Variants in CASC3 observed in about 807,000 individuals in gnomAD.
CASC3 encodes the protein CASC3 exon junction complex subunit.
Under a neutral mutation model 80.5 loss-of-function variants are expected in CASC3, and 30 were observed. That is an observed-to-expected ratio of 0.37 (90% confidence interval 0.28 to 0.51). The LOEUF is 0.51. Among genes scored for constraint, CASC3 ranks in the 20% least tolerant of loss-of-function variants. CASC3 has a pLI of 0.94. For synonymous variants in CASC3, 312 were observed against 333.6 expected (o/e 0.94, Z 0.70); for missense variants, 824 against 922.2 (o/e 0.89, Z 1.38).
intron 3 of CASC3, among the ~76,000 whole-genome samples, chr17:40,142,600 C>A (rs1432989103): frequency 6.6e-6 from 1 of 152,138 alleles, no homozygotes; most frequent in Non-Finnish European, 1.5e-5. Flanking sequence ...GGTGAAACTC[C>A]ATCTCTGGCC....
At chr17:40,152,802 A>G (rs1762430093) in intron 3 of CASC3, among the ~76,000 whole-genome samples, 1 of 150,194 alleles carries the variant, frequency 6.7e-6, no homozygotes, top group Admixed American at 6.6e-5. Context: ...TATTTTAGAC[A>G]GTCTTGCTCT....
At chr17:40,167,766 A>G (rs1023656463) in intron 9 of CASC3, 84 bp from the exon 10 acceptor site, 3 of 1,368,342 alleles carry the variant, frequency 2.2e-6, no homozygotes, top group Non-Finnish European at 3.1e-6. Flanking sequence ...TATTGAGAAC[A>G]TCTTTTAAAG....
chr17:40,164,797 C>T (rs1454685454), intron 7 of CASC3, among the ~76,000 whole-genome samples: 1 of 125,160 alleles, frequency 8.0e-6, no homozygotes, highest in Non-Finnish European at 1.6e-5. Flanking sequence ...GCTCTGTTGC[C>T]CAGGCTGGAG....
chr17:40,152,212 A>C (rs1041831984), intron 3 of CASC3, among the ~76,000 whole-genome samples: 1 of 152,232 alleles, frequency 6.6e-6, no homozygotes, highest in Non-Finnish European at 1.5e-5. Context: ...GTTATAGCTC[A>C]CTGCAACCTC....
In CASC3 at chr17:40,171,952, TC is replaced by T; in HGVS notation, c.*1550del. 7.8e-7 allele frequency: 1 copy of T among 1,284,430 alleles called. No individual in the cohort carries two copies. Among genetic ancestry groups the T allele is most frequent in the South Asian group, 1.2e-5 (1 of 80,530 alleles). 79.6% of individuals were successfully genotyped at this position (1,284,430 alleles called of 1,614,324 possible). ...GGTGGTTGTGCCTTTTGTAGGCTGT[TC>T]CCTTTGCCTTAAACCTGAAGATGTC... On this transcript the variant is annotated 3_prime_UTR_variant, in exon 14 of 14. Transcript: ENST00000264645.
intron 3 of CASC3, among the ~76,000 whole-genome samples, chr17:40,145,606 G>T (rs1196961924): frequency 6.6e-6 from 1 of 152,026 alleles, no homozygotes; most frequent in African/African-American, 2.4e-5. Context: ...TTGGTGAGCA[G>T]GGGCCACTAA....
In CASC3 at chr17:40,166,839, A is replaced by G. The variant is rs1273415757; in HGVS notation, c.1514A>G (p.Gln505Arg). 2 of 1,606,690 alleles carry G rather than the reference A, an allele frequency of 1.2e-6. No homozygotes were observed. The highest frequency in any genetic ancestry group is 2.2e-5 in the East Asian group (1 of 44,566). Residue 505 changes from glutamine (Q) to arginine (R), a missense_variant, in exon 8 of 14, where the codon CAG becomes CGG. Physicochemically the swap from Gln to Arg is conservative, Grantham distance 43. Coordinates refer to ENST00000264645, the MANE Select transcript of CASC3 (RefSeq NM_007359.5). ...HIHMGAGPPP[Q>R]FNRMEEMGVQ... ...CACATGGGAGCAGGACCTCCACCTCAGTTTAACCGGATGGAAGAAATGGTA... is the reference window on the plus strand; with the variant it reads ...CACATGGGAGCAGGACCTCCACCTCGGTTTAACCGGATGGAAGAAATGGTA...
chr17:40,159,600 C>A (rs1312063269), intron 3 of CASC3, among the ~76,000 whole-genome samples: 2 of 148,378 alleles, frequency 1.3e-5, no homozygotes, highest in Non-Finnish European at 3.0e-5. Flanking sequence ...GACTGGAGCG[C>A]AGTGGCACAA....
At chr17:40,144,449 A>AT (rs1185413325) in intron 3 of CASC3, among the ~76,000 whole-genome samples, 5 of 149,624 alleles carry the variant, frequency 3.3e-5, no homozygotes, top group Non-Finnish European at 5.9e-5. Context: ...GGTTCAAGCG[A>AT]TTCTCCTGTC....
chr17:40,155,925 T>A (rs1989135639), intron 3 of CASC3, among the ~76,000 whole-genome samples: 1 of 152,228 alleles, frequency 6.6e-6, no homozygotes, highest in Admixed American at 6.5e-5. Context: ...TCCTCAGTAC[T>A]ATGCTATTTG....
Position 40,157,354 on chromosome 17 carries a change from TAAA to T in CASC3, c.298-4398_298-4396del, listed in dbSNP as rs1460674437. Among the ~76,000 whole-genome samples, 377 of 148,528 alleles carry T rather than the reference TAAA, an allele frequency of 2.5e-3. 1 individual carries two copies. Among genetic ancestry groups the T allele is most frequent in the African/African-American group, 8.9e-3 (360 of 40,316 alleles). On this transcript the variant is annotated intron_variant, in intron 3 of 13. Coordinates refer to ENST00000264645, the MANE Select transcript of CASC3 (RefSeq NM_007359.5). ...CGAGACTCCGTCTCAAATAAATAAA[TAAA>T]TAAATAAATAAATTAATTAATTAAT...
rs1489340350 is a variant in CASC3, at chr17:40,168,208, C to T, written c.1756C>T (p.His586Tyr). 21 of 1,613,754 alleles carry T rather than the reference C, an allele frequency of 1.3e-5. No homozygotes were observed. Among genetic ancestry groups the T allele is most frequent in the East Asian group, 2.2e-5 (1 of 44,894 alleles). Residue 586 changes from histidine (H) to tyrosine (Y), a missense_variant, in exon 11 of 14, where the codon CAT becomes TAT. Around this residue, in one of 3 missense-constraint regions of CASC3, gnomAD observed 464 missense variants for 506.0 expected, o/e 0.92. Transcript: ENST00000264645. ...PGMNLPHPGL[H>Y]PHQTPAPLPN... is the part of the protein sequence containing the mutation. Reference sequence around the variant, plus strand: ...TTTTTCTTCTCCTTATCCAGGTTTACATCCCCACCAGACACCAGCTCCTCT... The same window carrying T: ...TTTTTCTTCTCCTTATCCAGGTTTATATCCCCACCAGACACCAGCTCCTCT...
chr17:40,155,567 C>T (rs1374774921), intron 3 of CASC3, among the ~76,000 whole-genome samples: 1 of 152,122 alleles, frequency 6.6e-6, no homozygotes, highest in African/African-American at 2.4e-5. Context: ...GTCTTCCTGT[C>T]AACGACAGGC....
chr17:40,146,616 T>A (rs1281077685), intron 3 of CASC3, among the ~76,000 whole-genome samples: 3 of 151,484 alleles, frequency 2.0e-5, no homozygotes, highest in Admixed American at 6.6e-5. Flanking sequence ...TTTTTTGTAT[T>A]TTTAGTAGAG....
chr17:40,166,041 T>C (rs1037256388), intron 7 of CASC3, among the ~76,000 whole-genome samples: 2 of 152,170 alleles, frequency 1.3e-5, no homozygotes, highest in Admixed American at 6.6e-5. Context: ...GCTGGGCTTA[T>C]AAGCATGAGC....
At position 40,172,088 on chromosome 17, in the gene CASC3, G is replaced by A. The variant is rs894454409; in HGVS notation, c.*1683G>A. 1.6e-6 allele frequency: 2 copies of A among 1,289,842 alleles called. No homozygotes were observed. The highest frequency in any genetic ancestry group is 2.0e-6 in the Non-Finnish European group (2 of 988,870). 79.9% of individuals were successfully genotyped at this position (1,289,842 alleles called of 1,614,324 possible). On this transcript the variant is annotated 3_prime_UTR_variant, in exon 14 of 14. Coordinates refer to ENST00000264645, the MANE Select transcript of CASC3 (RefSeq NM_007359.5). ...TGCAAGGATTTTTCCATGTGTGGTG[G>A]TGTTTTTTGTTACTGTTTTAAAGGG...
chr17:40,153,388 A>T (rs1432667503), intron 3 of CASC3, among the ~76,000 whole-genome samples: 1 of 152,176 alleles, frequency 6.6e-6, no homozygotes, highest in Non-Finnish European at 1.5e-5. Context: ...CATTCACCCA[A>T]CAACAGACAC....
Position 40,151,237 on chromosome 17 carries a change from A to T in CASC3, c.297+9630A>T, listed in dbSNP as rs575397843. Among the ~76,000 whole-genome samples the T allele has an allele frequency of 2.6e-5, 4 of 152,094 alleles. No homozygotes were observed. The South Asian group carries it at 8.3e-4, about 32-fold the overall frequency. ...GTTTGTGTGTTTGTTTTTGAGACAGAGTCTTGCTCTGTCACCCAGTCTGGA... is the reference window on the plus strand; with the variant it reads ...GTTTGTGTGTTTGTTTTTGAGACAGTGTCTTGCTCTGTCACCCAGTCTGGA... On this transcript the variant is annotated intron_variant, in intron 3 of 13. Coordinates refer to ENST00000264645, the MANE Select transcript of CASC3 (RefSeq NM_007359.5).
intron 3 of CASC3, among the ~76,000 whole-genome samples, chr17:40,158,052 T>G (rs1041985594): frequency 3.9e-5 from 6 of 152,174 alleles, no homozygotes; most frequent in African/African-American, 1.4e-4. Flanking sequence ...TTGCTGCAAC[T>G]TCTATTGAAA....
Sources: gnomAD v4.1 joint callset for allele counts (sites outside exome capture counted in the v4.1 genomes callset) on GRCh38, gnomAD v4.1.1 for gene constraint, gnomAD v4.1.1 regional missense constraint, MANE v1.5 for transcripts, NCBI Gene and HGNC (gene_info 2026-07-23, HGNC 2026-07-21) for gene names.